HACE1: variants seen among roughly 807,000 people sequenced by gnomAD.
HACE1 encodes the protein E3 ubiquitin-protein ligase HACE1.
A neutral mutation model predicts 118.4 loss-of-function variants in HACE1; 73 were observed. That is an observed-to-expected ratio of 0.62 (90% CI 0.51 to 0.75). The LOEUF is 0.75. Among genes scored for constraint, HACE1 ranks in the 30% least tolerant of loss-of-function variants. HACE1 has a pLI of 0.00. For synonymous variants in HACE1, 368 were observed against 374.8 expected, an observed-to-expected ratio of 0.98 and a Z score of 0.21; for missense variants, 749 against 1,102.2, an observed-to-expected ratio of 0.68 and a Z score of 4.54.
intron 11 of HACE1, among the ~76,000 whole-genome samples, chr6:104,790,568 C>T (rs1259489072): frequency 1.3e-5 from 2 of 152,126 alleles, no homozygotes; most frequent in Non-Finnish European, 2.9e-5. Flanking sequence ...GCCTGGGCAA[C>T]ATGGCAAAGC....
chr6:104,737,714 C>G (rs1206965241), intron 22 of HACE1, among the ~76,000 whole-genome samples: 2 of 152,186 alleles, frequency 1.3e-5, no homozygotes, highest in Non-Finnish European at 1.5e-5. Flanking sequence ...GCACAGCAGT[C>G]TGAGACCAAA....
chr6:104,852,404 C>T, intron 1 of HACE1, 33 bp from the exon 2 acceptor site: 2 of 1,298,002 alleles, frequency 1.5e-6, no homozygotes, highest in Non-Finnish European at 1.1e-6. Context: ...TTCATTTATC[C>T]CCTACTTTGT....
intron 6 of HACE1, 144 bp downstream of exon 6, chr6:104,832,898 C>CA (rs547712586): frequency 7.0e-3 from 4,557 of 651,918 alleles, no homozygotes; most frequent in Non-Finnish European, 8.4e-3. Context: ...GGCCCTGTCT[C>CA]AAAAAAAAAA....
Position 104,784,127 on chromosome 6 carries a change from G to C in HACE1, c.1525C>G (p.Pro509Ala). The change falls in exon 14 of 24, where the codon CCT (proline) becomes GCT (alanine). Residue 509 changes from proline (P) to alanine (A), a missense_variant. Around this residue, in one of 5 missense-constraint regions of HACE1, gnomAD observed 195 missense variants for 322.1 expected, o/e 0.61. Coordinates refer to ENST00000262903, the MANE Select transcript of HACE1 (RefSeq NM_020771.4). ...TGCATGAATCTTGACATCAACTCAGGACATTCAAGGAGAAAGTGAAAGTGG... is the reference window on the plus strand; with the variant it reads ...TGCATGAATCTTGACATCAACTCAGCACATTCAAGGAGAAAGTGAAAGTGG... ...FDHFHFLLEC[P>A]ELMSRFMHII... 1 of 1,602,376 alleles carries C rather than the reference G, an allele frequency of 6.2e-7. No homozygotes were observed. Among genetic ancestry groups the C allele is most frequent in the Non-Finnish European group, 8.6e-7 (1 of 1,169,522 alleles).
chr6:104,743,531 A>G (rs1238962027), intron 22 of HACE1, among the ~76,000 whole-genome samples: 1 of 152,016 alleles, frequency 6.6e-6, no homozygotes, highest in Non-Finnish European at 1.5e-5. Flanking sequence ...ATTTTCATAA[A>G]TAGAAGATAA....
At chr6:104,809,480 G>A (rs1352795906) in intron 7 of HACE1, among the ~76,000 whole-genome samples, 1 of 152,110 alleles carries the variant, frequency 6.6e-6, no homozygotes, top group Non-Finnish European at 1.5e-5. Flanking sequence ...AGAGTTGGTT[G>A]CATTTAAGGA....
At chr6:104,854,669 A>G (rs190706297) in intron 1 of HACE1, among the ~76,000 whole-genome samples, 67 of 152,116 alleles carry the variant, frequency 4.4e-4, no homozygotes, top group African/African-American at 1.5e-3. Context: ...CTGTATATGG[A>G]CTTGGTATTT....
intron 5 of HACE1, among the ~76,000 whole-genome samples, chr6:104,837,895 C>T (rs1161916995): frequency 6.6e-6 from 1 of 152,098 alleles, no homozygotes; most frequent in Non-Finnish European, 1.5e-5. Context: ...ATGCAAAAAT[C>T]AGTAGCATTC....
rs1171074843 is a variant in HACE1, at chr6:104,755,816, C to A, written c.2212-5344G>T. On this transcript the variant is annotated intron_variant, in intron 19 of 23. Transcript: ENST00000262903. ...GGAAATTTATAGCACTAAATGCCCA[C>A]ATCAAAAAGCTAGAAAGATCTCAAG... Among the ~76,000 whole-genome samples the A allele has an allele frequency of 3.3e-5, 5 of 152,170 alleles. No homozygotes were observed. In the East Asian group the frequency reaches 9.6e-4, roughly 29 times the overall value.
intron 6 of HACE1, among the ~76,000 whole-genome samples, chr6:104,819,819 A>G (rs1772503482): frequency 6.6e-6 from 1 of 152,246 alleles, no homozygotes; most frequent in Admixed American, 6.5e-5. Flanking sequence ...TGGTGTTGTA[A>G]TAACTGGTTA....
At chr6:104,753,658 C>G (rs1778305324) in intron 19 of HACE1, among the ~76,000 whole-genome samples, 1 of 152,130 alleles carries the variant, frequency 6.6e-6, no homozygotes, top group African/African-American at 2.4e-5. Context: ...GCCCTATATA[C>G]AGTAAAGTGG....
At chr6:104,845,210 C>T (rs1248162280) in intron 4 of HACE1, among the ~76,000 whole-genome samples, 1 of 151,666 alleles carries the variant, frequency 6.6e-6, no homozygotes, top group African/African-American at 2.4e-5. Context: ...TCATAAATAT[C>T]TTCATACCAT....
chr6:104,790,900 A>AATTTAACAT (rs55997651), intron 11 of HACE1, among the ~76,000 whole-genome samples: 26,544 of 152,082 alleles, frequency 0.17, 2,478 homozygotes, highest in African/African-American at 0.25. Context: ...ATAAAATTAT[A>AATTTAACAT]ATTTAACATG....
At chr6:104,845,114 G>A (rs1775521001) in intron 4 of HACE1, among the ~76,000 whole-genome samples, 1 of 151,996 alleles carries the variant, frequency 6.6e-6, no homozygotes, top group African/African-American at 2.4e-5. Context: ...TATGAGGTTG[G>A]TGCAAAAGTA....
At chr6:104,790,962 T>C (rs962102691) in intron 11 of HACE1, among the ~76,000 whole-genome samples, 3 of 152,144 alleles carry the variant, frequency 2.0e-5, no homozygotes, top group African/African-American at 7.2e-5. Context: ...ACTTCATCCA[T>C]ATGTGCTTAG....
intron 22 of HACE1, among the ~76,000 whole-genome samples, chr6:104,739,325 AT>A (rs1400168272): frequency 2.6e-5 from 4 of 152,068 alleles, no homozygotes; most frequent in African/African-American, 9.7e-5. Context: ...AATATTAACC[AT>A]AAATGTAAAT....
intron 4 of HACE1, among the ~76,000 whole-genome samples, chr6:104,845,517 G>A (rs1361437865): frequency 7.3e-6 from 1 of 136,062 alleles, no homozygotes; most frequent in African/African-American, 2.7e-5. Context: ...TCACTCTGTC[G>A]CCCAGGCTGG....
At chr6:104,766,775 A>G (rs1419249752) in intron 19 of HACE1, 2 of 152,210 alleles carry the variant, frequency 1.3e-5, no homozygotes, top group Non-Finnish European at 2.9e-5. Flanking sequence ...TCGGGCAGTT[A>G]TTTAACGTCT....
intron 4 of HACE1, among the ~76,000 whole-genome samples, chr6:104,843,870 AC>A (rs973356919): frequency 6.6e-6 from 1 of 151,158 alleles, no homozygotes. Context: ...TGCCATCATA[AC>A]TTTTTTTTTT....
Sources: gnomAD v4.1 joint callset for allele counts (sites outside exome capture counted in the v4.1 genomes callset) on GRCh38, gnomAD v4.1.1 for gene constraint, gnomAD v4.1.1 regional missense constraint, MANE v1.5 for transcripts, NCBI Gene and HGNC (gene_info 2026-07-23, HGNC 2026-07-21) for gene names.